Variants in TLK1 observed in about 807,000 individuals in gnomAD.
The protein encoded by TLK1 is tousled like kinase 1, also known as serine/threonine-protein kinase tousled-like 1.
TLK1 carries 24 observed loss-of-function variants against 105.3 expected under a neutral mutation model. The observed-to-expected ratio is 0.23, with a 90% confidence interval of 0.17 to 0.32. The LOEUF (loss-of-function observed/expected upper bound fraction) is 0.32, where lower values mean the gene tolerates loss of function less well. Among genes scored for constraint, TLK1 ranks in the 10% least tolerant of loss-of-function variants. TLK1 has a pLI of 1.00. For missense variants in TLK1, 558 were observed against 910.5 expected, an observed-to-expected ratio of 0.61 and a Z score of 4.98; for synonymous variants, 321 against 310.4, an observed-to-expected ratio of 1.03 and a Z score of -0.36.
chr2:171,201,926 TATC>T (rs1693406568), intron 1 of TLK1, among the ~76,000 whole-genome samples: 2 of 152,012 alleles, frequency 1.3e-5, no homozygotes, highest in Non-Finnish European at 2.9e-5. Context: ...TCTATCTATC[TATC>T]TATCTATCTA....
At chr2:171,183,697 T>A (rs1272322889) in intron 1 of TLK1, among the ~76,000 whole-genome samples, 1 of 152,230 alleles carries the variant, frequency 6.6e-6, no homozygotes, top group Non-Finnish European at 1.5e-5. Flanking sequence ...CTGTCAATAG[T>A]TTAATTGATG....
upstream of TLK1, among the ~76,000 whole-genome samples, chr2:171,162,352 A>T (rs530621311): frequency 2.0e-5 from 3 of 152,224 alleles, no homozygotes; most frequent in East Asian, 5.8e-4. Flanking sequence ...AGCCTGGCCA[A>T]CATGGTGAAA....
At chr2:171,161,315 G>C (rs953720776), upstream of TLK1, among the ~76,000 whole-genome samples, 1 of 151,994 alleles carries the variant, frequency 6.6e-6, no homozygotes, top group Non-Finnish European at 1.5e-5. Context: ...TGCTGCTCTC[G>C]CTCAGCTGCC....
chr2:171,217,637 C>T (rs1693739074), intron 1 of TLK1, among the ~76,000 whole-genome samples: 1 of 152,186 alleles, frequency 6.6e-6, no homozygotes, highest in Admixed American at 6.5e-5. Flanking sequence ...GCACTCTGAA[C>T]ATGCTTCAGA....
intron 1 of TLK1, among the ~76,000 whole-genome samples, chr2:171,211,965 T>C (rs1172130095): frequency 6.6e-6 from 1 of 151,766 alleles, no homozygotes; most frequent in African/African-American, 2.4e-5. Context: ...CCTGCCTCAG[T>C]CACCCGAGTA....
At chr2:171,004,495 C>T (rs1418829224) in intron 18 of TLK1, among the ~76,000 whole-genome samples, 1 of 152,116 alleles carries the variant, frequency 6.6e-6, no homozygotes, top group Non-Finnish European at 1.5e-5. Flanking sequence ...AAATACATTC[C>T]ATGTTCCTAT....
chr2:171,129,529 C>A (rs1691009612), intron 1 of TLK1, among the ~76,000 whole-genome samples: 1 of 152,128 alleles, frequency 6.6e-6, no homozygotes, highest in Non-Finnish European at 1.5e-5. Flanking sequence ...TAAAGCACAA[C>A]TGAAAACAAT....
chr2:171,049,204 A>G (rs1687109801), intron 10 of TLK1, among the ~76,000 whole-genome samples: 2 of 152,164 alleles, frequency 1.3e-5, no homozygotes, highest in Admixed American at 6.6e-5. Flanking sequence ...GGTGGGTTCA[A>G]TTGTACCCCG....
chr2:171,081,946 C>T (rs551518733), intron 3 of TLK1, among the ~76,000 whole-genome samples: 4 of 151,830 alleles, frequency 2.6e-5, no homozygotes, highest in African/African-American at 9.7e-5. Context: ...TAGGTCTATA[C>T]TAACCAAGTA....
At chr2:171,175,421 C>T (rs1408008870) in intron 1 of TLK1, among the ~76,000 whole-genome samples, 1 of 152,112 alleles carries the variant, frequency 6.6e-6, no homozygotes, top group Non-Finnish European at 1.5e-5. Flanking sequence ...AGAGCATTTA[C>T]ATTGTACTAG....
At position 171,160,306 on chromosome 2, in the gene TLK1, G is replaced by T. The variant is rs1692429480; in HGVS notation, c.123C>A (p.Ser41=). The T allele has an allele frequency of 1.7e-5, 27 of 1,587,188 alleles. No homozygotes were observed. The highest frequency in any genetic ancestry group is 2.3e-5 in the Non-Finnish European group (27 of 1,169,554). Residue 41 remains serine, a synonymous_variant, in exon 1 of 21, where the codon TCC becomes TCA. Coordinates refer to ENST00000431350, the MANE Select transcript of TLK1 (RefSeq NM_012290.5). This position sits in a 1 kb window ranked among gnomAD's most constrained non-coding sequence, Gnocchi z 4.4. ...GGTGCTTACCTTCCCTGGGCCTCCC[G>T]GATGGCGGCGTGTGATTCAGCAGGG... The part of the protein sequence containing the change: ...ARSLLNHTPP[S]GRPREGAMDE...
At chr2:171,144,018 G>A (rs562091515) in intron 1 of TLK1, among the ~76,000 whole-genome samples, 2 of 152,226 alleles carry the variant, frequency 1.3e-5, no homozygotes, top group African/African-American at 2.4e-5. Flanking sequence ...AACATACCAT[G>A]CAAAAGAGCT....
intron 5 of TLK1, 107 bp from the exon 6 acceptor site, chr2:171,056,673 G>C: frequency 1.2e-6 from 1 of 825,356 alleles, no homozygotes. Flanking sequence ...TTTAAAATAA[G>C]TAGTCATTTA....
At chr2:171,197,802 A>C (rs987283798) in intron 1 of TLK1, among the ~76,000 whole-genome samples, 1 of 152,022 alleles carries the variant, frequency 6.6e-6, no homozygotes. Flanking sequence ...AACAAACAAA[A>C]AACAATAAAG....
At chr2:171,208,954 T>C (rs1031732948) in intron 1 of TLK1, among the ~76,000 whole-genome samples, 24 of 152,224 alleles carry the variant, frequency 1.6e-4, no homozygotes, top group African/African-American at 5.3e-4. Context: ...CCCCTCTGTT[T>C]GCAACAGAAG....
intron 18 of TLK1, among the ~76,000 whole-genome samples, chr2:171,004,240 GGC>G (rs1684538053): frequency 6.6e-6 from 1 of 152,136 alleles, no homozygotes; most frequent in African/African-American, 2.4e-5. Flanking sequence ...TTGGATTACA[GGC>G]GTGAGCCACC....
intron 2 of TLK1, 78 bp from the exon 3 acceptor site, chr2:171,082,930 T>C: frequency 1.1e-6 from 1 of 952,134 alleles, no homozygotes; most frequent in Non-Finnish European, 1.7e-6. Context: ...ACAAACATAT[T>C]ACAAAGTAGA....
chr2:171,049,702 A>G, intron 10 of TLK1, 112 bp downstream of exon 10: 1 of 1,320,526 alleles, frequency 7.6e-7, no homozygotes, highest in Non-Finnish European at 1.0e-6. Flanking sequence ...ACTAAATTCT[A>G]TGATTTCAGA....
chr2:171,060,965 C>T, intron 4 of TLK1, 116 bp downstream of exon 4: 1 of 1,019,420 alleles, frequency 9.8e-7, no homozygotes, highest in Non-Finnish European at 1.4e-6. Flanking sequence ...TACCTGTGCA[C>T]ACACCAAAAT....
Sources: gnomAD v4.1 joint callset for allele counts (sites outside exome capture counted in the v4.1 genomes callset) on GRCh38, gnomAD v4.1.1 for gene constraint, Gnocchi (gnomAD v3.1) non-coding constraint, MANE v1.5 for transcripts, NCBI Gene and HGNC (gene_info 2026-07-23, HGNC 2026-07-21) for gene names.